Variants in PRKN observed in about 807,000 individuals in gnomAD.
PRKN encodes E3 ubiquitin-protein ligase parkin.
In PRKN, 56 loss-of-function variants were observed where a neutral mutation model predicts 59.5. The observed-to-expected ratio is 0.94, with a 90% CI of 0.76 to 1.18. The LOEUF (loss-of-function observed/expected upper bound fraction) is 1.18. Among genes scored for constraint, PRKN ranks in the 50% most tolerant of loss-of-function variants. The pLI is 0.00. For synonymous variants in PRKN, 250 were observed against 222.1 expected, an observed-to-expected ratio of 1.13 and a Z score of -1.12; for missense variants, 657 against 596.4, an observed-to-expected ratio of 1.10 and a Z score of -1.06.
chr6:161,820,605 A>G (rs911928154), intron 6 of PRKN, among the ~76,000 whole-genome samples: 1 of 147,940 alleles, frequency 6.8e-6, no homozygotes, highest in African/African-American at 2.4e-5. Context: ...AAATATAATT[A>G]CATAATATAC....
At chr6:162,515,136 G>A (rs1360897458) in intron 1 of PRKN, among the ~76,000 whole-genome samples, 1 of 149,904 alleles carries the variant, frequency 6.7e-6, no homozygotes, top group East Asian at 2.0e-4. Flanking sequence ...AGACTGGAGT[G>A]CAATGGTGTA....
intron 6 of PRKN, among the ~76,000 whole-genome samples, chr6:161,806,326 G>A (rs776237040): frequency 6.6e-5 from 10 of 152,146 alleles, no homozygotes; most frequent in Admixed American, 1.3e-4. Context: ...CAGCACTCAC[G>A]GTTGTGGCTT....
chr6:162,010,611 AATATATTATATTAT>A lies in PRKN; in HGVS notation c.619-37208_619-37195del, dbSNP rs1782522550. On this transcript the variant is annotated intron_variant, in intron 5 of 11. Transcript: ENST00000366898. Reference sequence around the variant, plus strand: ...ATATATAATATAATATATATTATATAATATATTATATTATATATAATATATTATATAATATATTA... The same window carrying A: ...ATATATAATATAATATATATTATATAATATAATATATTATATAATATATTA... Among the ~76,000 whole-genome samples, 3 of 7,600 alleles carry A rather than the reference AATATATTATATTAT, an allele frequency of 3.9e-4. 1 individual carries two copies. The highest frequency in any genetic ancestry group is 5.1e-4 in the Non-Finnish European group (3 of 5,864). 5.0% of individuals were successfully genotyped at this position (7,600 alleles called of 152,430 possible).
intron 3 of PRKN, among the ~76,000 whole-genome samples, chr6:162,225,342 G>T (rs1778124089): frequency 1.3e-5 from 2 of 152,130 alleles, no homozygotes; most frequent in South Asian, 4.1e-4. Flanking sequence ...CTACATTGGT[G>T]ACCAAGACTC....
In PRKN at chr6:162,288,647, G is replaced by A. The variant is rs373272122; in HGVS notation, c.172-25882C>T. On this transcript the variant is annotated intron_variant, in intron 2 of 11. Transcript: ENST00000366898. ...CCGAAAAGGACACGGAGCCCTCACC[G>A]AGGCCCCCACCAACCCCTTATTGTA... Among the ~76,000 whole-genome samples, 102 of 152,168 alleles carry A rather than the reference G, an allele frequency of 6.7e-4. 2 individuals carry two copies. The South Asian group carries it at 0.02, about 29-fold the overall frequency.
Position 161,901,073 on chromosome 6 carries a change from G to A in PRKN, c.734+72229C>T, listed in dbSNP as rs1252576742. Among the ~76,000 whole-genome samples, 3 of 151,154 alleles carry A rather than the reference G, an allele frequency of 2.0e-5. No homozygotes were observed. The South Asian group carries it at 6.3e-4, about 32-fold the overall frequency. ...TGGCACTACAGGCACATGCCAGGAC[G>A]CCCGGCTAATTTTTTTGTATTTTTA... On this transcript the variant is annotated intron_variant, in intron 6 of 11. Transcript: ENST00000366898.
At chr6:161,827,279 A>G (rs1044233852) in intron 6 of PRKN, among the ~76,000 whole-genome samples, 12 of 152,114 alleles carry the variant, frequency 7.9e-5, no homozygotes, top group African/African-American at 2.9e-4. Flanking sequence ...TTTTCCTCTC[A>G]GATCAGAGGT....
intron 1 of PRKN, among the ~76,000 whole-genome samples, chr6:162,579,679 TCA>T (rs1161853693): frequency 4.0e-5 from 6 of 150,668 alleles, no homozygotes; most frequent in South Asian, 2.1e-4. Flanking sequence ...ACACACAGAT[TCA>T]CACACACATA....
chr6:162,306,534 C>A (rs531711523), intron 2 of PRKN, among the ~76,000 whole-genome samples: 1 of 152,154 alleles, frequency 6.6e-6, no homozygotes, highest in Admixed American at 6.5e-5. Context: ...AAAGGAGTTG[C>A]GAAGATTAAT....
chr6:161,940,784 C>A (rs377249609), intron 6 of PRKN, among the ~76,000 whole-genome samples: 1 of 152,162 alleles, frequency 6.6e-6, no homozygotes, highest in Non-Finnish European at 1.5e-5. Flanking sequence ...TACATTCAGG[C>A]TCCCTGCAGG....
intron 2 of PRKN, among the ~76,000 whole-genome samples, chr6:162,417,237 G>C (rs1210303775): frequency 6.6e-6 from 1 of 152,024 alleles, no homozygotes; most frequent in Non-Finnish European, 1.5e-5. Flanking sequence ...TTTTTCAAAA[G>C]TGCAAAAGGA....
chr6:162,212,650 G>A (rs780925843), intron 3 of PRKN, among the ~76,000 whole-genome samples: 2 of 152,168 alleles, frequency 1.3e-5, no homozygotes, highest in Admixed American at 6.5e-5. Context: ...GTCAGGCATT[G>A]TTTAACAACA....
intron 2 of PRKN, among the ~76,000 whole-genome samples, chr6:162,288,240 A>G (rs898652626): frequency 1.3e-5 from 2 of 152,166 alleles, no homozygotes; most frequent in Non-Finnish European, 2.9e-5. Context: ...ACAAGAGGAA[A>G]AACATCCATT....
At chr6:161,903,806 T>C (rs1209297323) in intron 6 of PRKN, among the ~76,000 whole-genome samples, 3 of 151,710 alleles carry the variant, frequency 2.0e-5, no homozygotes, top group Non-Finnish European at 2.9e-5. Context: ...CTTTTTCTTT[T>C]TTTTTTTTTA....
intron 4 of PRKN, among the ~76,000 whole-genome samples, chr6:162,179,345 G>T (rs1050673209): frequency 6.6e-6 from 1 of 152,170 alleles, no homozygotes; most frequent in African/African-American, 2.4e-5. Context: ...GTCCACCTGA[G>T]GGGACGGTCC....
At chr6:162,109,591 GTGTT>G (rs375759401) in intron 4 of PRKN, among the ~76,000 whole-genome samples, 60 of 152,246 alleles carry the variant, frequency 3.9e-4, no homozygotes, top group African/African-American at 1.3e-3. Flanking sequence ...CAGAAATAGG[GTGTT>G]TGTTTATGTG....
intron 2 of PRKN, among the ~76,000 whole-genome samples, chr6:162,310,762 A>T (rs989583679): frequency 1.4e-4 from 16 of 117,468 alleles, no homozygotes; most frequent in African/African-American, 5.0e-4. Flanking sequence ...TATATATATA[A>T]AAAAAAGCAG....
chr6:161,354,427 C>T lies in PRKN; in HGVS notation c.1286-4216G>A, dbSNP rs2114841729. 6.6e-6 allele frequency among the ~76,000 whole-genome samples: 1 copy of T among 152,286 alleles called. No homozygotes were observed. Among genetic ancestry groups the T allele is most frequent in the Admixed American group, 6.5e-5 (1 of 15,296 alleles). On this transcript the variant is annotated intron_variant, in intron 11 of 11. Coordinates refer to ENST00000366898, the MANE Select transcript of PRKN (RefSeq NM_004562.3). The surrounding 1 kb of genome is among the most constrained non-coding windows in gnomAD (Gnocchi z 6.7). ...ATCGTGGCTCCGGCCAGCAATTCTT[C>T]CACTAGATTTAATGAGAGCGTGGAA...
intron 5 of PRKN, among the ~76,000 whole-genome samples, chr6:162,013,358 T>A (rs902067855): frequency 6.6e-6 from 1 of 152,134 alleles, no homozygotes. Flanking sequence ...CATCCTTCTT[T>A]CTTTTCTGGT....
Sources: gnomAD v4.1 joint callset for allele counts (sites outside exome capture counted in the v4.1 genomes callset) on GRCh38, gnomAD v4.1.1 for gene constraint, Gnocchi (gnomAD v3.1) non-coding constraint, MANE v1.5 for transcripts, NCBI Gene and HGNC (gene_info 2026-07-23, HGNC 2026-07-21) for gene names.